The following TTC28 variants were observed in gnomAD, a reference collection of about 807,000 sequenced individuals.
The protein encoded by TTC28 is tetratricopeptide repeat domain 28, also known as tetratricopeptide repeat protein 28.
In TTC28, 61 loss-of-function variants were observed where a neutral mutation model predicts 198.0. The observed-to-expected ratio is 0.31, with a 90% CI of 0.25 to 0.38. TTC28 has a LOEUF of 0.38. TTC28 is among the 10% of genes least tolerant of loss of function. TTC28 has a pLI of 1.00. For missense variants in TTC28, 2,678 were observed against 3,164.0 expected, an observed-to-expected ratio of 0.85 and a Z score of 3.69; for synonymous variants, 1,171 against 1,297.8, an observed-to-expected ratio of 0.90 and a Z score of 2.10.
rs190557915 is a variant in TTC28 at position 27,989,846 on chromosome 22, G to T, written c.5707+32C>A. On this transcript the variant is annotated intron_variant, in intron 21 of 22. Coordinates refer to ENST00000397906, the MANE Select transcript of TTC28 (RefSeq NM_001145418.2). ...CAGAGATTTAAAAGATGGAATTCAA[G>T]AACCCATTTAAGTCAAGGATTCTCT... The T allele has an allele frequency of 5.9e-6, 9 of 1,534,036 alleles. No homozygotes were observed. The Admixed American group carries it at 8.1e-5, about 14-fold the overall frequency.
intron 17 of TTC28, chr22:27,994,729 T>G (rs1371053564): frequency 1.3e-5 from 2 of 152,166 alleles, no homozygotes; most frequent in Non-Finnish European, 2.9e-5. Flanking sequence ...GAGGAAACCC[T>G]TAAGTGGGCC....
chr22:28,097,496 A>C (rs1942013214), intron 10 of TTC28, among the ~76,000 whole-genome samples: 1 of 152,182 alleles, frequency 6.6e-6, no homozygotes, highest in Admixed American at 6.5e-5. Flanking sequence ...CCATCTTTTA[A>C]TCGAATTTTG....
At chr22:28,453,098 T>C (rs2047809733) in intron 2 of TTC28, among the ~76,000 whole-genome samples, 1 of 152,202 alleles carries the variant, frequency 6.6e-6, no homozygotes, top group Non-Finnish European at 1.5e-5. Flanking sequence ...TCCAGGTACC[T>C]GTTTTCCCTT....
intron 5 of TTC28, among the ~76,000 whole-genome samples, chr22:28,175,900 A>G (rs1183366063): frequency 6.6e-6 from 1 of 152,220 alleles, no homozygotes; most frequent in Non-Finnish European, 1.5e-5. Flanking sequence ...TATAAAAAAG[A>G]TACATGAAAA....
intron 1 of TTC28, among the ~76,000 whole-genome samples, chr22:28,671,733 T>C (rs955137098): frequency 6.6e-6 from 1 of 150,968 alleles, no homozygotes; most frequent in African/African-American, 2.4e-5. Context: ...TGGAATGCAG[T>C]GGCCCAATCT....
At chr22:28,398,393 TAAG>T (rs2046850075) in intron 2 of TTC28, among the ~76,000 whole-genome samples, 1 of 152,074 alleles carries the variant, frequency 6.6e-6, no homozygotes, top group South Asian at 2.1e-4. Flanking sequence ...AAATAAATGC[TAAG>T]AAGAGGAGGG....
At chr22:28,140,265 G>A (rs1943299830) in intron 6 of TTC28, among the ~76,000 whole-genome samples, 1 of 152,228 alleles carries the variant, frequency 6.6e-6, no homozygotes, top group Non-Finnish European at 1.5e-5. Context: ...GGTATGTGCT[G>A]TATTGCTCCC....
At chr22:28,543,825 C>T (rs2049473598) in intron 2 of TTC28, among the ~76,000 whole-genome samples, 1 of 152,156 alleles carries the variant, frequency 6.6e-6, no homozygotes, top group Non-Finnish European at 1.5e-5. Flanking sequence ...TTAATGAACA[C>T]AGATGAAAAA....
At chr22:28,064,104 G>T (rs866705598) in intron 12 of TTC28, among the ~76,000 whole-genome samples, 19 of 152,300 alleles carry the variant, frequency 1.2e-4, no homozygotes, top group Middle Eastern at 3.4e-3. Context: ...GGCAGACAGG[G>T]TAGGGGATGG....
At chr22:28,390,295 G>C (rs892926009) in intron 2 of TTC28, among the ~76,000 whole-genome samples, 7 of 152,198 alleles carry the variant, frequency 4.6e-5, no homozygotes, top group Admixed American at 1.3e-4. Flanking sequence ...GGTGGGGTGT[G>C]GTGCTGAAAA....
rs141599216 is a variant in TTC28 at position 28,168,227 on chromosome 22, G to A, written c.934-4628C>T. ...CTCATGGATAGGAAGAATCAATATC[G>A]TGAAAATGGCCATACTGCCCAAGGT... On this transcript the variant is annotated intron_variant, in intron 5 of 22. Coordinates refer to ENST00000397906, the MANE Select transcript of TTC28 (RefSeq NM_001145418.2). 6.0e-3 allele frequency among the ~76,000 whole-genome samples: 913 copies of A among 152,234 alleles called. 13 individuals carry two copies. The highest frequency in any genetic ancestry group is 0.021 in the African/African-American group (865 of 41,520).
chr22:28,537,103 C>A (rs1034248802), intron 2 of TTC28, among the ~76,000 whole-genome samples: 2 of 150,138 alleles, frequency 1.3e-5, no homozygotes, highest in East Asian at 3.9e-4. Context: ...ACCATCCTGG[C>A]TAACATGGTG....
chr22:28,119,366 T>C (rs996499487), intron 6 of TTC28, among the ~76,000 whole-genome samples: 2 of 152,246 alleles, frequency 1.3e-5, no homozygotes, highest in African/African-American at 2.4e-5. Flanking sequence ...TCTAGCATTA[T>C]TTAGCTAGAG....
chr22:28,087,484 A>T (rs1403824753), intron 12 of TTC28, among the ~76,000 whole-genome samples: 2 of 152,210 alleles, frequency 1.3e-5, no homozygotes, highest in Admixed American at 1.3e-4. Context: ...AAAAGTCTCA[A>T]TAAATTAGGT....
At chr22:28,650,220 C>T (rs1460435726) in intron 1 of TTC28, among the ~76,000 whole-genome samples, 1 of 152,012 alleles carries the variant, frequency 6.6e-6, no homozygotes, top group Non-Finnish European at 1.5e-5. Flanking sequence ...ATACTAGATG[C>T]ACAACTGGCC....
intron 2 of TTC28, among the ~76,000 whole-genome samples, chr22:28,401,214 T>G (rs1230818500): frequency 2.0e-5 from 3 of 149,598 alleles, no homozygotes; most frequent in African/African-American, 7.6e-5. Context: ...AGGATGACGA[T>G]GACGATGACG....
At chr22:28,262,374 T>C (rs1291991424) in intron 5 of TTC28, among the ~76,000 whole-genome samples, 1 of 152,176 alleles carries the variant, frequency 6.6e-6, no homozygotes, top group Non-Finnish European at 1.5e-5. Context: ...ATGCAAGCAA[T>C]AGTTCGGAGT....
intron 2 of TTC28, among the ~76,000 whole-genome samples, chr22:28,593,370 A>G (rs118127272): frequency 1.3e-5 from 2 of 152,300 alleles, no homozygotes; most frequent in African/African-American, 2.4e-5. Context: ...ACTAAAACTT[A>G]TTCCCAAAAT....
intron 13 of TTC28, among the ~76,000 whole-genome samples, chr22:28,018,030 CT>C (rs1174970209): frequency 5.9e-5 from 9 of 152,192 alleles, no homozygotes; most frequent in Non-Finnish European, 1.3e-4. Context: ...CTCTGCCCCC[CT>C]AGATGCCACA....
Sources: allele counts gnomAD v4.1 joint callset (sites outside exome capture counted in the v4.1 genomes callset), GRCh38; gene constraint gnomAD v4.1.1; transcripts MANE v1.5; gene names NCBI Gene and HGNC (gene_info 2026-07-23, HGNC 2026-07-21).